TMEM178B: variants seen among roughly 807,000 people sequenced by gnomAD.
The protein encoded by TMEM178B is transmembrane protein 178B.
A neutral mutation model predicts 31.0 loss-of-function variants in TMEM178B; 5 were observed. That is an observed-to-expected ratio of 0.16 (90% CI 0.08 to 0.34). The LOEUF (loss-of-function observed/expected upper bound fraction) is 0.34, where lower values mean the gene tolerates loss of function less well. Ranked by LOEUF, TMEM178B falls within the 10% of genes least tolerant of loss-of-function variation. TMEM178B has a pLI of 1.00. For synonymous variants in TMEM178B, 164 were observed against 164.0 expected (o/e 1.00, Z 0.00); for missense variants, 275 against 400.3 (o/e 0.69, Z 2.67).
the TMEM178B span, among the ~76,000 whole-genome samples, chr7:141,509,585 G>T: frequency 6.6e-6 from 1 of 152,178 alleles, no homozygotes; most frequent in Non-Finnish European, 1.5e-5. Flanking sequence ...GGGAGGTGGA[G>T]GTTGCAGTGA....
chr7:141,505,021 C>T, the TMEM178B span, among the ~76,000 whole-genome samples: 1 of 152,162 alleles, frequency 6.6e-6, no homozygotes, highest in Non-Finnish European at 1.5e-5. Context: ...ATTCCTATTT[C>T]CTTACAGAAA....
intron 2 of TMEM178B, among the ~76,000 whole-genome samples, chr7:141,386,030 C>G (rs1800425837): frequency 6.6e-6 from 1 of 152,186 alleles, no homozygotes; most frequent in Non-Finnish European, 1.5e-5. Context: ...TACAATATTC[C>G]TCTACCTTTC....
intron 1 of TMEM178B, among the ~76,000 whole-genome samples, chr7:141,160,280 A>G (rs1335988952): frequency 1.3e-5 from 2 of 151,978 alleles, no homozygotes; most frequent in South Asian, 2.1e-4. Context: ...CAAGCTGTCT[A>G]TATCTTACCT....
intron 2 of TMEM178B, among the ~76,000 whole-genome samples, chr7:141,343,767 T>C (rs1387201440): frequency 1.3e-5 from 2 of 152,092 alleles, no homozygotes; most frequent in African/African-American, 4.8e-5. Context: ...GCCAGGATGG[T>C]CTCAATCTCC....
intron 2 of TMEM178B, among the ~76,000 whole-genome samples, chr7:141,435,587 G>A: frequency 6.6e-6 from 1 of 152,166 alleles, no homozygotes; most frequent in East Asian, 1.9e-4. Context: ...GGAGATGGAG[G>A]GAGAGGACGG....
chr7:141,445,947 C>T (rs1043389013), intron 3 of TMEM178B, among the ~76,000 whole-genome samples: 4 of 152,210 alleles, frequency 2.6e-5, no homozygotes, highest in Admixed American at 6.5e-5. Flanking sequence ...CAAACTACTT[C>T]ATACCCTGGA....
In TMEM178B at chr7:141,370,382, C is replaced by T. The variant is rs117828736; in HGVS notation, c.497-67226C>T. The stretch of plus-strand genomic sequence containing the variant: ...GGCTGAGCTACTCTTCCAGATGAAC[C>T]ACCCTGGAACATTGCTGAGCTTTGC... On this transcript the variant is annotated intron_variant, in intron 2 of 3. Coordinates refer to ENST00000565468, the MANE Select transcript of TMEM178B (RefSeq NM_001195278.2). Among the ~76,000 whole-genome samples the T allele has an allele frequency of 6.4e-3, 981 of 152,296 alleles. 6 individuals carry two copies. Among genetic ancestry groups the T allele is most frequent in the Non-Finnish European group, 0.011 (752 of 68,026 alleles).
intron 2 of TMEM178B, among the ~76,000 whole-genome samples, chr7:141,383,593 C>T (rs983541141): frequency 6.6e-6 from 1 of 152,062 alleles, no homozygotes; most frequent in Non-Finnish European, 1.5e-5. Flanking sequence ...GTATATGTGC[C>T]ACATTTTCTT....
intron 2 of TMEM178B, among the ~76,000 whole-genome samples, chr7:141,248,270 G>A (rs556167394): frequency 1.3e-5 from 2 of 152,134 alleles, no homozygotes; most frequent in Non-Finnish European, 2.9e-5. Context: ...AGTTAGTCAG[G>A]TGTGGTGGCA....
At chr7:141,240,314 A>G (rs1416067497) in intron 2 of TMEM178B, among the ~76,000 whole-genome samples, 1 of 152,250 alleles carries the variant, frequency 6.6e-6, no homozygotes. Context: ...AAACATGTAC[A>G]ACACACCAGA....
intron 2 of TMEM178B, among the ~76,000 whole-genome samples, chr7:141,247,246 A>C (rs1386165053): frequency 6.6e-6 from 1 of 152,070 alleles, no homozygotes; most frequent in Admixed American, 6.5e-5. Context: ...ATCAAGATAT[A>C]TGGCTATGTA....
At chr7:141,086,756 G>A (rs751841098) in intron 1 of TMEM178B, among the ~76,000 whole-genome samples, 1 of 152,126 alleles carries the variant, frequency 6.6e-6, no homozygotes, top group Non-Finnish European at 1.5e-5. Context: ...CTGGAGTGCA[G>A]TGGTGTGATT....
intron 2 of TMEM178B, among the ~76,000 whole-genome samples, chr7:141,349,310 A>C (rs1474155063): frequency 6.6e-6 from 1 of 152,210 alleles, no homozygotes; most frequent in African/African-American, 2.4e-5. Context: ...TATGCACATT[A>C]GTCATGGGAG....
intron 3 of TMEM178B, among the ~76,000 whole-genome samples, chr7:141,460,039 G>T (rs529647643): frequency 8.5e-4 from 129 of 152,142 alleles, no homozygotes; most frequent in African/African-American, 2.9e-3. Context: ...TGGCCACAAG[G>T]TCTGGCCACA....
At chr7:141,426,665 C>T (rs571813114) in intron 2 of TMEM178B, among the ~76,000 whole-genome samples, 1 of 152,192 alleles carries the variant, frequency 6.6e-6, no homozygotes, top group African/African-American at 2.4e-5. Context: ...GAGGACAGTT[C>T]TGAAGGGCCT....
chr7:141,178,956 G>T (rs1168207092), intron 1 of TMEM178B, among the ~76,000 whole-genome samples: 1 of 152,196 alleles, frequency 6.6e-6, no homozygotes, highest in Non-Finnish European at 1.5e-5. Flanking sequence ...CTGTGAATGG[G>T]TGTTGGGCTT....
intron 2 of TMEM178B, among the ~76,000 whole-genome samples, chr7:141,395,409 C>G (rs1327972415): frequency 6.6e-6 from 1 of 152,168 alleles, no homozygotes; most frequent in African/African-American, 2.4e-5. Flanking sequence ...CCACTGCACT[C>G]CAGCCCAAGC....
chr7:141,160,110 G>A lies in TMEM178B; in HGVS notation c.383-52481G>A, dbSNP rs531609357. Among the ~76,000 whole-genome samples, 487 of 150,888 alleles carry A rather than the reference G, an allele frequency of 3.2e-3. 2 individuals carry two copies. The highest frequency in any genetic ancestry group is 0.011 in the African/African-American group (467 of 41,118). On this transcript the variant is annotated intron_variant, in intron 1 of 3. Coordinates refer to ENST00000565468, the MANE Select transcript of TMEM178B (RefSeq NM_001195278.2). ...GGGAAGAGGTGGTGTTTGGTTACGC[G>A]GATGTTATTTAGTGGTGATTTCTGA...
chr7:141,151,991 A>G (rs749088851), intron 1 of TMEM178B, among the ~76,000 whole-genome samples: 44 of 152,124 alleles, frequency 2.9e-4, no homozygotes, highest in African/African-American at 9.9e-4. Context: ...GCAGTAAGCT[A>G]AGATCCACAG....
Sources: allele counts gnomAD v4.1 joint callset (sites outside exome capture counted in the v4.1 genomes callset), GRCh38; gene constraint gnomAD v4.1.1; transcripts MANE v1.5; gene names NCBI Gene and HGNC (gene_info 2026-07-23, HGNC 2026-07-21).